PRR16: variants seen among roughly 807,000 people sequenced by gnomAD.
The protein encoded by PRR16 is protein Largen.
PRR16 carries 6 observed loss-of-function variants against 18.2 expected under a neutral mutation model. That is an observed-to-expected ratio of 0.33 (90% CI 0.18 to 0.65). The LOEUF (loss-of-function observed/expected upper bound fraction) is 0.65. Ranked by LOEUF, PRR16 falls within the 30% of genes least tolerant of loss-of-function variation. The pLI is 0.74. For synonymous variants in PRR16, 151 were observed against 147.8 expected (o/e 1.02, Z -0.16); for missense variants, 412 against 376.6 (o/e 1.09, Z -0.78).
chr5:120,551,440 T>A (rs1200533295), intron 1 of PRR16, among the ~76,000 whole-genome samples: 1 of 152,040 alleles, frequency 6.6e-6, no homozygotes, highest in Non-Finnish European at 1.5e-5. Context: ...ATCATTTCAC[T>A]TGCCGCTTCA....
chr5:120,504,234 C>G (rs1003864302), intron 1 of PRR16, among the ~76,000 whole-genome samples: 1 of 152,122 alleles, frequency 6.6e-6, no homozygotes, highest in Non-Finnish European at 1.5e-5. Context: ...TCTGCCCTGA[C>G]CTTGGTGCTG....
chr5:120,731,907 G>A, the PRR16 span, among the ~76,000 whole-genome samples: 1 of 152,138 alleles, frequency 6.6e-6, no homozygotes, highest in Admixed American at 6.6e-5. Flanking sequence ...TAACTATGTA[G>A]AAGATTCCCT....
chr5:120,594,868 A>C (rs1312267909), intron 1 of PRR16, among the ~76,000 whole-genome samples: 1 of 151,870 alleles, frequency 6.6e-6, no homozygotes, highest in African/African-American at 2.4e-5. Flanking sequence ...AGGACTCCCT[A>C]TTCAATAAAT....
At chr5:120,531,713 T>G (rs550794648) in intron 1 of PRR16, among the ~76,000 whole-genome samples, 1 of 152,164 alleles carries the variant, frequency 6.6e-6, no homozygotes, top group East Asian at 1.9e-4. Context: ...CTCCCTAGAT[T>G]GGCATGCATT....
intron 1 of PRR16, among the ~76,000 whole-genome samples, chr5:120,526,518 G>A (rs189540451): frequency 3.0e-4 from 46 of 151,992 alleles, no homozygotes; most frequent in African/African-American, 8.7e-4. Flanking sequence ...TCACTTACTC[G>A]TGTTATAGTG....
intron 1 of PRR16, among the ~76,000 whole-genome samples, chr5:120,514,225 G>A (rs969731787): frequency 6.6e-6 from 1 of 152,146 alleles, no homozygotes; most frequent in Non-Finnish European, 1.5e-5. Context: ...GGAGCAGGCA[G>A]CACTCTGGAA....
In PRR16 at chr5:120,647,455, C is replaced by T. The variant is rs535560303; in HGVS notation, c.160-38499C>T. Among the ~76,000 whole-genome samples the T allele has an allele frequency of 2.0e-5, 3 of 151,998 alleles. No homozygotes were observed. The South Asian group carries it at 6.2e-4, about 32-fold the overall frequency. On this transcript the variant is annotated intron_variant, in intron 1 of 1. Coordinates refer to ENST00000407149, the MANE Select transcript of PRR16 (RefSeq NM_001300783.2). ...ACTGGGCGACAAATATCAGTCTCTACCAAGAAATTATTCTTGCAACTAGAG... is the reference window on the plus strand; with the variant it reads ...ACTGGGCGACAAATATCAGTCTCTATCAAGAAATTATTCTTGCAACTAGAG...
At chr5:120,548,420 T>A (rs1224159706) in intron 1 of PRR16, among the ~76,000 whole-genome samples, 1 of 152,062 alleles carries the variant, frequency 6.6e-6, no homozygotes, top group Admixed American at 6.6e-5. Context: ...TTTAGAACAA[T>A]CAATAATCAA....
At chr5:120,600,849 A>C (rs975622037) in intron 1 of PRR16, among the ~76,000 whole-genome samples, 1 of 151,678 alleles carries the variant, frequency 6.6e-6, no homozygotes, top group African/African-American at 2.4e-5. Flanking sequence ...TCCTGTGTTA[A>C]TTTGCTTAGG....
chr5:120,718,161 TC>T, the PRR16 span, among the ~76,000 whole-genome samples: 1 of 152,202 alleles, frequency 6.6e-6, no homozygotes, highest in East Asian at 1.9e-4. Flanking sequence ...GACAAAATTT[TC>T]CCGTCTAATG....
chr5:120,715,694 CAAAAT>C, the PRR16 span, among the ~76,000 whole-genome samples: 8 of 152,204 alleles, frequency 5.3e-5, no homozygotes, highest in South Asian at 8.3e-4. Context: ...GTATGAAAAT[CAAAAT>C]AAATTAAACT....
chr5:120,658,783 A>G (rs572405050), intron 1 of PRR16, among the ~76,000 whole-genome samples: 68 of 152,096 alleles, frequency 4.5e-4, no homozygotes, highest in South Asian at 1.9e-3. Flanking sequence ...GAGTGAAATC[A>G]TATTTAAAAA....
the PRR16 span, among the ~76,000 whole-genome samples, chr5:120,721,021 A>C: frequency 6.6e-6 from 1 of 152,114 alleles, no homozygotes; most frequent in Non-Finnish European, 1.5e-5. Flanking sequence ...GAAAAAGGTT[A>C]TATTGATGAC....
At chr5:120,488,103 A>C (rs899486067) in intron 1 of PRR16, among the ~76,000 whole-genome samples, 12 of 152,078 alleles carry the variant, frequency 7.9e-5, no homozygotes, top group African/African-American at 2.9e-4. Context: ...ATTGGTCTAA[A>C]ATTCTCTTTT....
intron 1 of PRR16, among the ~76,000 whole-genome samples, chr5:120,633,765 CAATAAT>C (rs879288988): frequency 0.68 from 101,839 of 149,812 alleles, 36,705 homozygotes; most frequent in East Asian, 0.88. Context: ...GACAGCAACA[CAATAAT>C]AGTGGAGGAC....
At chr5:120,777,628 T>G in the PRR16 span, among the ~76,000 whole-genome samples, 1 of 152,104 alleles carries the variant, frequency 6.6e-6, no homozygotes, top group African/African-American at 2.4e-5. Flanking sequence ...CCATAAAATT[T>G]CAATATCTAG....
chr5:120,653,627 G>A (rs893346945), intron 1 of PRR16, among the ~76,000 whole-genome samples: 1 of 151,852 alleles, frequency 6.6e-6, no homozygotes, highest in Non-Finnish European at 1.5e-5. Context: ...TTTGACTTAG[G>A]CCTAGGTTTA....
intron 1 of PRR16, among the ~76,000 whole-genome samples, chr5:120,510,232 G>A (rs1750786371): frequency 6.6e-6 from 1 of 152,168 alleles, no homozygotes; most frequent in Non-Finnish European, 1.5e-5. Context: ...CTGAAGCAAT[G>A]GCATTGTGGG....
chr5:120,483,917 G>A (rs765920189), intron 1 of PRR16, among the ~76,000 whole-genome samples: 1 of 151,992 alleles, frequency 6.6e-6, no homozygotes, highest in Non-Finnish European at 1.5e-5. Flanking sequence ...ATTTCATTCA[G>A]TTCCAACTTG....
Sources: gnomAD v4.1 joint callset for allele counts (sites outside exome capture counted in the v4.1 genomes callset) on GRCh38, gnomAD v4.1.1 for gene constraint, MANE v1.5 for transcripts, NCBI Gene and HGNC (gene_info 2026-07-23, HGNC 2026-07-21) for gene names.